The following TIE1 variants were observed in gnomAD, a reference collection of about 807,000 sequenced individuals.
The protein encoded by TIE1 is tyrosine kinase with immunoglobulin like and EGF like domains 1.
TIE1 carries 89 observed loss-of-function variants against 130.5 expected under a neutral mutation model. That is an observed-to-expected ratio of 0.68 (90% CI 0.57 to 0.81). The LOEUF is 0.81. Among genes scored for constraint, TIE1 ranks in the 40% least tolerant of loss-of-function variants. The pLI is 0.00. For synonymous variants in TIE1, 568 were observed against 629.4 expected (o/e 0.90, Z 1.46); for missense variants, 1,392 against 1,559.8 (o/e 0.89, Z 1.81).
At chr1:43,303,570 T>G (rs1646691713) in intron 1 of TIE1, among the ~76,000 whole-genome samples, 1 of 152,160 alleles carries the variant, frequency 6.6e-6, no homozygotes. Flanking sequence ...AGGAAGGGCT[T>G]GGCTGGTGGA....
rs143849673 is a variant in TIE1, at chr1:43,305,085, A to T, written c.293A>T (p.Asp98Val). The change falls in exon 2 of 23, where the codon GAC becomes GTC. Residue 98 changes from aspartate (D) to valine (V), a missense_variant. Asp to Val is a radical substitution (Grantham distance 152, BLOSUM62 -3). Transcript: ENST00000372476. ...VTLRGFSKPS[D>V]LVGVFSCVGG... is the part of the protein sequence containing the mutation. Reference sequence around the variant, plus strand: ...CTTCGCGGCTTCTCCAAGCCCTCGGACCTCGTGGGCGTCTTCTCCTGCGTG... The same window carrying T: ...CTTCGCGGCTTCTCCAAGCCCTCGGTCCTCGTGGGCGTCTTCTCCTGCGTG... 2.5e-5 allele frequency: 40 copies of T among 1,612,324 alleles called. No homozygotes were observed. Among genetic ancestry groups the T allele is most frequent in the Non-Finnish European group, 2.7e-5 (32 of 1,179,132 alleles).
Position 43,321,458 on chromosome 1 carries a change from C to T in TIE1, c.3211C>T (p.Arg1071Cys), listed in dbSNP as rs1352005837. 2 of 1,613,928 alleles carry T rather than the reference C, an allele frequency of 1.2e-6. No individual in the cohort carries two copies. The highest frequency in any genetic ancestry group is 1.7e-6 in the Non-Finnish European group (2 of 1,179,920). ...ELYEKLPQGY[R>C]MEQPRNCDDE... Reference sequence around the variant, plus strand: ...CTATGAAAAGCTGCCCCAGGGCTACCGCATGGAGCAGCCTCGAAACTGTGA... The same window carrying T: ...CTATGAAAAGCTGCCCCAGGGCTACTGCATGGAGCAGCCTCGAAACTGTGA... The change falls in exon 21 of 23, where the codon CGC becomes TGC. Residue 1071 changes from arginine to cysteine, a missense_variant. Transcript: ENST00000372476.
At chr1:43,321,810 C>A in intron 22 of TIE1, 95 bp downstream of exon 22, 4 of 1,168,288 alleles carry the variant, frequency 3.4e-6, no homozygotes, top group Non-Finnish European at 4.9e-6. Context: ...AACCACACTG[C>A]CTGCCCAACC....
Position 43,312,759 on chromosome 1 carries a change from A to C in TIE1, c.1927+158A>C, listed in dbSNP as rs1570442458. 6.6e-6 allele frequency among the ~76,000 whole-genome samples: 1 copy of C among 152,072 alleles called. No homozygotes were observed. The highest frequency in any genetic ancestry group is 1.9e-4 in the East Asian group (1 of 5,184). On this transcript the variant is annotated intron_variant, in intron 12 of 22. Coordinates refer to ENST00000372476, the MANE Select transcript of TIE1 (RefSeq NM_005424.5). The surrounding 1 kb of genome is among the most constrained non-coding windows in gnomAD (Gnocchi z 5.6). ...TTAGGCAGACGTGACCCCAGCGGGG[A>C]CATGGGACTTGGGGAAGATCCAGGG...
chr1:43,319,565 C>A lies in TIE1; in HGVS notation c.3107+36C>A. 1.9e-6 allele frequency: 3 copies of A among 1,602,944 alleles called. No individual in the cohort carries two copies. Among genetic ancestry groups the A allele is most frequent in the Non-Finnish European group, 2.6e-6 (3 of 1,170,020 alleles). ...GATGAGAGGGCACAGGAGGGCTTGG[C>A]CCCCAAGAATCACCCAGGCCTGACC... On this transcript the variant is annotated intron_variant, in intron 19 of 22. Coordinates refer to ENST00000372476, the MANE Select transcript of TIE1 (RefSeq NM_005424.5). This position sits in a 1 kb window ranked among gnomAD's most constrained non-coding sequence, Gnocchi z 4.7.
Position 43,305,300 on chromosome 1 carries a change from T to C in TIE1, c.441T>C (p.Arg147=). 1 of 1,602,372 alleles carries C rather than the reference T, an allele frequency of 6.2e-7. No individual in the cohort carries two copies. The highest frequency in any genetic ancestry group is 8.5e-7 in the Non-Finnish European group (1 of 1,171,300). Residue 147 remains arginine, a synonymous_variant, in exon 3 of 23, where the codon CGT becomes CGC. Transcript: ENST00000372476. ...GTGACACCGCTGTACTTTCTGCACGTGTGCACAAGGAGAAGCAGACAGACG... is the reference window on the plus strand; with the variant it reads ...GTGACACCGCTGTACTTTCTGCACGCGTGCACAAGGAGAAGCAGACAGACG... ...NKGDTAVLSA[R]VHKEKQTDVI...
chr1:43,306,704 A>G lies in TIE1; in HGVS notation c.485-136A>G, dbSNP rs139556434. On this transcript the variant is annotated intron_variant, in intron 3 of 22. Transcript: ENST00000372476. This position sits in a 1 kb window ranked among gnomAD's most constrained non-coding sequence, Gnocchi z 4.9. ...CTTCTGAGCTTTCTGGCGTGGGCAT[A>G]GGCTCTCGTGGTGCCGGCCCTAGGT... The G allele has an allele frequency of 3.0e-4, 349 of 1,148,248 alleles. No individual in the cohort carries two copies. Among genetic ancestry groups the G allele is most frequent in the Non-Finnish European group, 3.6e-4 (293 of 815,338 alleles). 71.1% of individuals were successfully genotyped at this position (1,148,248 alleles called of 1,614,324 possible). A position where few individuals can be genotyped will look rare whatever the true frequency, so the allele number is the denominator to read the frequency against.
chr1:43,313,992 G>A lies in TIE1; in HGVS notation c.2409+24G>A. 1 of 1,613,512 alleles carries A rather than the reference G, an allele frequency of 6.2e-7. No homozygotes were observed. The highest frequency in any genetic ancestry group is 2.2e-5 in the East Asian group (1 of 44,872). ...CGGTCAGTGACCCGCCCCGCCCCTG[G>A]GTGCATGCTTGCAGCCCGTGTTTAT... On this transcript the variant is annotated intron_variant, in intron 14 of 22. Transcript: ENST00000372476. The surrounding 1 kb of genome is among the most constrained non-coding windows in gnomAD (Gnocchi z 6.2).
rs1646769367 is a variant in TIE1 at position 43,309,676 on chromosome 1, C to A, written c.1333+144C>A. 1.7e-6 allele frequency: 2 copies of A among 1,201,794 alleles called. No homozygotes were observed. Among genetic ancestry groups the A allele is most frequent in the Non-Finnish European group, 2.2e-6 (2 of 906,892 alleles). 74.4% of individuals were successfully genotyped at this position (1,201,794 alleles called of 1,614,324 possible). ...ACCAGACAAAAAGCGGGGTTGTGGT[C>A]AACCAGAGGTCCGGGCTGGGCAGTG... On this transcript the variant is annotated intron_variant, in intron 9 of 22. Coordinates refer to ENST00000372476, the MANE Select transcript of TIE1 (RefSeq NM_005424.5). This position sits in a 1 kb window ranked among gnomAD's most constrained non-coding sequence, Gnocchi z 6.3.
Position 43,312,505 on chromosome 1 carries a change from A to C in TIE1, c.1831A>C (p.Thr611Pro), listed in dbSNP as rs1407712878. ...CCGCACTGCCCTCCTGACGGGACTC[A>C]CGCCTGGCACCCACTACCAGCTGGA... is the stretch of plus-strand genomic sequence containing the variant. ...QARTALLTGL[T>P]PGTHYQLDVQ... Residue 611 changes from threonine to proline, a missense_variant, in exon 12 of 23, where the codon ACG (threonine) becomes CCG (proline). Thr to Pro is a conservative substitution (Grantham distance 38, BLOSUM62 -1). Coordinates refer to ENST00000372476, the MANE Select transcript of TIE1 (RefSeq NM_005424.5). The surrounding 1 kb of genome is among the most constrained non-coding windows in gnomAD (Gnocchi z 5.6). The C allele has an allele frequency of 6.2e-7, 1 of 1,613,134 alleles. No homozygotes were observed. Among genetic ancestry groups the C allele is most frequent in the Admixed American group, 1.7e-5 (1 of 59,976 alleles).
In TIE1 at chr1:43,315,786, C is replaced by T. The variant is rs1056721379; in HGVS notation, c.2410-1413C>T. On this transcript the variant is annotated intron_variant, in intron 14 of 22. Coordinates refer to ENST00000372476, the MANE Select transcript of TIE1 (RefSeq NM_005424.5). The surrounding 1 kb of genome is among the most constrained non-coding windows in gnomAD (Gnocchi z 4.4). ...GGGGGAGGGTAATGGGTACAGATGT[C>T]GAGGGCAGGAGGTGGGAAAGCAGTC... Among the ~76,000 whole-genome samples the T allele has an allele frequency of 1.6e-4, 25 of 152,024 alleles. No individual in the cohort carries two copies. The highest frequency in any genetic ancestry group is 4.8e-4 in the African/African-American group (20 of 41,378).
chr1:43,311,195 T>G (rs1333241169), intron 9 of TIE1, among the ~76,000 whole-genome samples: 1 of 152,180 alleles, frequency 6.6e-6, no homozygotes, highest in South Asian at 2.1e-4. Context: ...GTTTTCATAA[T>G]GCAGGGTAAT....
intron 19 of TIE1, chr1:43,320,408 C>A (rs533882700): frequency 2.0e-5 from 3 of 152,200 alleles, no homozygotes; most frequent in South Asian, 2.1e-4. Flanking sequence ...GCCTGGACCA[C>A]GGTAAGTGCT....
At position 43,307,717 on chromosome 1, in the gene TIE1, G is replaced by A. The variant is rs963774897; in HGVS notation, c.914-79G>A. 17 of 1,602,906 alleles carry A rather than the reference G, an allele frequency of 1.1e-5. No individual in the cohort carries two copies. Among genetic ancestry groups the A allele is most frequent in the Non-Finnish European group, 1.4e-5 (16 of 1,172,724 alleles). ...CTATCCTCAGCCTGTTGTATAACCT[G>A]TGCCCCATCTGCGCCCTCATCTGTG... On this transcript the variant is annotated intron_variant, in intron 6 of 22. Transcript: ENST00000372476. This position sits in a 1 kb window ranked among gnomAD's most constrained non-coding sequence, Gnocchi z 5.4.
At chr1:43,320,253 C>T (rs1338967212) in intron 19 of TIE1, 1 of 152,760 alleles carries the variant, frequency 6.5e-6, no homozygotes, top group East Asian at 1.9e-4. Flanking sequence ...TGCTCTGCCA[C>T]TAACTAGCTG....
In TIE1 at chr1:43,317,393, C is replaced by A; in HGVS notation, c.2604C>A (p.Ala868=). 1 of 1,614,076 alleles carries A rather than the reference C, an allele frequency of 6.2e-7. No homozygotes were observed. The highest frequency in any genetic ancestry group is 1.1e-5 in the South Asian group (1 of 91,084). The change falls in exon 15 of 23, where the codon GCC becomes GCA. Residue 868 remains alanine (A), a synonymous_variant. Coordinates refer to ENST00000372476, the MANE Select transcript of TIE1 (RefSeq NM_005424.5). This position sits in a 1 kb window ranked among gnomAD's most constrained non-coding sequence, Gnocchi z 5.1. ...IKKDGLKMNA[A]IKMLKEYASE... ...AGGACGGGCTGAAGATGAACGCAGC[C>A]ATCAAAATGCTGAAAGGTCCACTGG...
rs754217424 is a variant in TIE1, at chr1:43,312,608, G to A, written c.1927+7G>A. On this transcript the variant is annotated splice_region_variant and intron_variant, in intron 12 of 22. Coordinates refer to ENST00000372476, the MANE Select transcript of TIE1 (RefSeq NM_005424.5). The surrounding 1 kb of genome is among the most constrained non-coding windows in gnomAD (Gnocchi z 5.6). Reference sequence around the variant, plus strand: ...GTGCTTCTGCCCCCCAGTGGTATGTGCAAGGCGCAAGGATAGCTGGGGGTT... The same window carrying A: ...GTGCTTCTGCCCCCCAGTGGTATGTACAAGGCGCAAGGATAGCTGGGGGTT... The A allele has an allele frequency of 6.3e-7, 1 of 1,588,862 alleles. No individual in the cohort carries two copies. Among genetic ancestry groups the A allele is most frequent in the South Asian group, 1.1e-5 (1 of 87,802 alleles).
In TIE1 at chr1:43,317,980, G is replaced by C. The variant is rs1646877495; in HGVS notation, c.2830G>C (p.Glu944Gln). 5.0e-6 allele frequency: 8 copies of C among 1,612,324 alleles called. No individual in the cohort carries two copies. The highest frequency in any genetic ancestry group is 6.8e-6 in the Non-Finnish European group (8 of 1,179,066). ...AGAGACTGACCCAGCTTTTGCTCGA[G>C]AGCATGGGACAGCCTCTACCCTTAG... is the stretch of plus-strand genomic sequence containing the variant. ...VLETDPAFAR[E>Q]HGTASTLSSR... The change falls in exon 17 of 23, where the codon GAG becomes CAG. Residue 944 changes from glutamate (E) to glutamine (Q), a missense_variant. Glu to Gln is a conservative substitution (Grantham distance 29). Around this residue, in one of 6 missense-constraint regions of TIE1, gnomAD observed 286 missense variants for 354.4 expected, o/e 0.81. Transcript: ENST00000372476. This position sits in a 1 kb window ranked among gnomAD's most constrained non-coding sequence, Gnocchi z 5.1.
At position 43,313,628 on chromosome 1, in the gene TIE1, A is replaced by G; in HGVS notation, c.2219-150A>G. The G allele has an allele frequency of 9.6e-7, 1 of 1,036,884 alleles. No homozygotes were observed. Among genetic ancestry groups the G allele is most frequent in the Non-Finnish European group, 1.4e-6 (1 of 730,366 alleles). The allele number at this position is 1,036,884 out of a possible 1,614,324, so 64.2% of individuals were successfully genotyped here. ...GGGAAAATCATGTCGCCCCTCTGACACCCCTCATCCCTTCCTTCATGTGGC... is the reference window on the plus strand; with the variant it reads ...GGGAAAATCATGTCGCCCCTCTGACGCCCCTCATCCCTTCCTTCATGTGGC... On this transcript the variant is annotated intron_variant, in intron 13 of 22. Transcript: ENST00000372476. This position sits in a 1 kb window ranked among gnomAD's most constrained non-coding sequence, Gnocchi z 6.2.
Sources: allele counts gnomAD v4.1 joint callset (sites outside exome capture counted in the v4.1 genomes callset), GRCh38; gene constraint gnomAD v4.1.1; regional missense constraint gnomAD v4.1.1; non-coding constraint Gnocchi (gnomAD v3.1); transcripts MANE v1.5; gene names NCBI Gene and HGNC (gene_info 2026-07-23, HGNC 2026-07-21).